Variants in SKI observed in about 807,000 individuals in gnomAD.
SKI encodes SKI proto-oncogene.
In SKI, 23 loss-of-function variants were observed where a neutral mutation model predicts 59.3. That is an observed-to-expected ratio of 0.39 (90% confidence interval 0.28 to 0.55). The LOEUF is 0.55. Ranked by LOEUF, SKI falls within the 20% of genes least tolerant of loss-of-function variation. The pLI, the probability that SKI is intolerant of heterozygous loss-of-function variation, is 0.67. For missense variants in SKI, 1,017 were observed against 1,038.9 expected (o/e 0.98, Z 0.29); for synonymous variants, 673 against 488.6 (o/e 1.38, Z -4.98).
chr1:2,288,223 G>A (rs1326153619), intron 1 of SKI, among the ~76,000 whole-genome samples: 1 of 152,122 alleles, frequency 6.6e-6, no homozygotes, highest in African/African-American at 2.4e-5. Flanking sequence ...CTGACCTCAG[G>A]TGATCCACCC....
intron 1 of SKI, among the ~76,000 whole-genome samples, chr1:2,244,934 A>G (rs1638959681): frequency 6.6e-6 from 1 of 152,246 alleles, no homozygotes; most frequent in Non-Finnish European, 1.5e-5. Context: ...ACAGAAAAGT[A>G]GTTACAGAAC....
At chr1:2,272,350 G>T (rs1338197676) in intron 1 of SKI, among the ~76,000 whole-genome samples, 1 of 152,258 alleles carries the variant, frequency 6.6e-6, no homozygotes, top group Non-Finnish European at 1.5e-5. Flanking sequence ...GAAACCAGAG[G>T]TGTTGAGACC....
chr1:2,246,960 C>A (rs543727092), intron 1 of SKI, among the ~76,000 whole-genome samples: 1 of 152,214 alleles, frequency 6.6e-6, no homozygotes, highest in South Asian at 2.1e-4. Flanking sequence ...CGGTGGCTCA[C>A]GCCTGTAATC....
At chr1:2,231,969 C>T (rs117772949) in intron 1 of SKI, among the ~76,000 whole-genome samples, 1 of 152,332 alleles carries the variant, frequency 6.6e-6, no homozygotes, top group East Asian at 1.9e-4. Flanking sequence ...CTCAGGACAG[C>T]CGTGTGCGTG....
At chr1:2,296,838 T>C (rs79198340) in intron 1 of SKI, among the ~76,000 whole-genome samples, 2,250 of 152,312 alleles carry the variant, frequency 0.015, 33 homozygotes, top group African/African-American at 0.039. Flanking sequence ...ACGTTCCTGC[T>C]GTGAAAACCT....
At chr1:2,251,180 G>A (rs893958452) in intron 1 of SKI, among the ~76,000 whole-genome samples, 1 of 152,096 alleles carries the variant, frequency 6.6e-6, no homozygotes, top group Non-Finnish European at 1.5e-5. Context: ...TAGCGCTGCG[G>A]ACCGTGTTCG....
At chr1:2,301,317 G>C (rs1640419358) in intron 1 of SKI, among the ~76,000 whole-genome samples, 1 of 152,192 alleles carries the variant, frequency 6.6e-6, no homozygotes, top group South Asian at 2.1e-4. Flanking sequence ...TATTTTCAGT[G>C]TCTTTTTTCC....
At chr1:2,291,999 G>A (rs1640172430) in intron 1 of SKI, among the ~76,000 whole-genome samples, 1 of 152,226 alleles carries the variant, frequency 6.6e-6, no homozygotes, top group Non-Finnish European at 1.5e-5. Context: ...GAATTATCAT[G>A]TGTGAAATAT....
intron 1 of SKI, among the ~76,000 whole-genome samples, chr1:2,244,686 T>C (rs1019024366): frequency 6.6e-6 from 1 of 152,170 alleles, no homozygotes; most frequent in African/African-American, 2.4e-5. Flanking sequence ...TTTTGGTGGG[T>C]TGATTGTTTT....
At chr1:2,258,327 T>C (rs1256387433) in intron 1 of SKI, among the ~76,000 whole-genome samples, 1 of 152,134 alleles carries the variant, frequency 6.6e-6, no homozygotes, top group East Asian at 1.9e-4. Context: ...CAGATGCCCC[T>C]ATTCTAGATG....
chr1:2,251,611 G>A (rs1402852274), intron 1 of SKI, among the ~76,000 whole-genome samples: 4 of 152,198 alleles, frequency 2.6e-5, no homozygotes, highest in Non-Finnish European at 5.9e-5. Flanking sequence ...CCTCGCCTGT[G>A]TAACGGTTAC....
chr1:2,234,362 C>T (rs773769636), intron 1 of SKI, among the ~76,000 whole-genome samples: 11 of 152,256 alleles, frequency 7.2e-5, no homozygotes, highest in East Asian at 1.9e-4. Flanking sequence ...CTGGGTCCCT[C>T]GCCTTCTGGG....
At chr1:2,254,605 C>T (rs1294222158) in intron 1 of SKI, among the ~76,000 whole-genome samples, 1 of 152,200 alleles carries the variant, frequency 6.6e-6, no homozygotes. Context: ...GGCCTTGTGC[C>T]TAGACTTGTG....
chr1:2,252,280 G>T (rs1052347615), intron 1 of SKI, among the ~76,000 whole-genome samples: 1 of 152,182 alleles, frequency 6.6e-6, no homozygotes, highest in African/African-American at 2.4e-5. Flanking sequence ...TGAGTAGGGG[G>T]CTGTGTCCCA....
At chr1:2,251,190 GGAAA>G (rs1218020560) in intron 1 of SKI, among the ~76,000 whole-genome samples, 3 of 152,080 alleles carry the variant, frequency 2.0e-5, no homozygotes, top group Non-Finnish European at 4.4e-5. Flanking sequence ...GACCGTGTTC[GGAAA>G]GAGTCACTTA....
chr1:2,285,133 T>C (rs1640009182), intron 1 of SKI, among the ~76,000 whole-genome samples: 1 of 152,126 alleles, frequency 6.6e-6, no homozygotes, highest in Admixed American at 6.5e-5. Flanking sequence ...CGTGTGGACT[T>C]GTCCCCATCT....
chr1:2,265,540 A>G (rs560719707), intron 1 of SKI, among the ~76,000 whole-genome samples: 67 of 152,166 alleles, frequency 4.4e-4, no homozygotes, highest in Non-Finnish European at 7.8e-4. Context: ...GTTCTCTGTG[A>G]ATTTCTATGT....
chr1:2,297,263 C>T (rs1190716004), intron 1 of SKI, among the ~76,000 whole-genome samples: 1 of 152,178 alleles, frequency 6.6e-6, no homozygotes, highest in East Asian at 1.9e-4. Context: ...TAAGCCACCA[C>T]GCCGGGCCCA....
chr1:2,249,717 C>T lies in SKI; in HGVS notation c.969+19982C>T, dbSNP rs574700320. On this transcript the variant is annotated intron_variant, in intron 1 of 6. Transcript: ENST00000378536. ...CCTGCTCCAACCGACTCACTGGCCG[C>T]GGCCTCATGGGGCCTCCCTGTCCTG... is the stretch of plus-strand genomic sequence containing the variant. 7.2e-5 allele frequency among the ~76,000 whole-genome samples: 11 copies of T among 152,330 alleles called. No homozygotes were observed. The East Asian group carries it at 7.7e-4, about 11-fold the overall frequency.
Sources: gnomAD v4.1 joint callset for allele counts (sites outside exome capture counted in the v4.1 genomes callset) on GRCh38, gnomAD v4.1.1 for gene constraint, MANE v1.5 for transcripts, NCBI Gene and HGNC (gene_info 2026-07-23, HGNC 2026-07-21) for gene names.